The following TUSC3 variants were observed in gnomAD, a reference collection of about 807,000 sequenced individuals.
The protein encoded by TUSC3 is tumor suppressor candidate 3.
In TUSC3, 45 loss-of-function variants were observed where a neutral mutation model predicts 44.8. The ratio of observed to expected loss-of-function variants is 1.00; its 90% CI spans 0.79 to 1.29. The LOEUF is 1.29. Among genes scored for constraint, TUSC3 ranks in the 50% most tolerant of loss-of-function variants. The probability of loss-of-function intolerance (pLI) is 0.00; values close to 1 mark genes in which losing one functional copy is unlikely to be tolerated. For synonymous variants in TUSC3, 212 were observed against 152.9 expected (o/e 1.39, Z -2.85); for missense variants, 519 against 437.9 (o/e 1.19, Z -1.65).
intron 1 of TUSC3, among the ~76,000 whole-genome samples, chr8:15,470,084 C>T (rs183912607): frequency 8.6e-4 from 129 of 149,968 alleles, no homozygotes; most frequent in African/African-American, 3.1e-3. Flanking sequence ...AGGAAAACCT[C>T]GTCCCTACAA....
chr8:15,599,392 G>A (rs12114398), intron 1 of TUSC3, among the ~76,000 whole-genome samples: 6 of 151,462 alleles, frequency 4.0e-5, no homozygotes, highest in Admixed American at 6.6e-5. Flanking sequence ...TTCTTATTTC[G>A]TTCACCATTT....
intron 9 of TUSC3, 194 bp downstream of exon 9, chr8:15,748,659 TTCCCTG>T: frequency 1.4e-6 from 1 of 730,480 alleles, no homozygotes; most frequent in African/African-American, 1.7e-5. Flanking sequence ...ATGGTTCTTG[TTCCCTG>T]ACAGCATGTA....
At chr8:15,667,870 C>T (rs1320272184) in intron 5 of TUSC3, among the ~76,000 whole-genome samples, 3 of 151,782 alleles carry the variant, frequency 2.0e-5, no homozygotes, top group Admixed American at 6.6e-5. Context: ...TTACAGTGGG[C>T]GTGAACATCT....
chr8:15,830,173 T>C, the TUSC3 span, among the ~76,000 whole-genome samples: 1 of 152,124 alleles, frequency 6.6e-6, no homozygotes. Flanking sequence ...GTTAGAGTTC[T>C]TCGCAGATTC....
intron 2 of TUSC3, among the ~76,000 whole-genome samples, chr8:15,648,214 T>G (rs1806715140): frequency 6.6e-6 from 1 of 152,176 alleles, no homozygotes; most frequent in South Asian, 2.1e-4. Flanking sequence ...CTTCTAACAT[T>G]GGTGTTTTAT....
At chr8:15,544,309 A>T (rs1457681059) in intron 1 of TUSC3, among the ~76,000 whole-genome samples, 1 of 146,584 alleles carries the variant, frequency 6.8e-6, no homozygotes, top group Non-Finnish European at 1.5e-5. Flanking sequence ...TTAATTTATA[A>T]TGACCTCTTC....
intron 2 of TUSC3, among the ~76,000 whole-genome samples, chr8:15,646,531 T>C (rs143976700): frequency 2.0e-5 from 3 of 152,258 alleles, no homozygotes; most frequent in African/African-American, 7.2e-5. Context: ...ACTTTATCAC[T>C]TTTTATTTTT....
At chr8:15,501,877 A>G (rs1800971454) in intron 2 of TUSC3, among the ~76,000 whole-genome samples, 1 of 152,228 alleles carries the variant, frequency 6.6e-6, no homozygotes, top group Non-Finnish European at 1.5e-5. Flanking sequence ...AAAGTATTTA[A>G]TAACACAGTC....
chr8:15,512,782 A>ATCAG (rs1338761905), intron 2 of TUSC3, among the ~76,000 whole-genome samples: 2 of 149,042 alleles, frequency 1.3e-5, no homozygotes, highest in African/African-American at 5.0e-5. Flanking sequence ...CAGTCAACCA[A>ATCAG]TCAATCAATC....
intron 2 of TUSC3, among the ~76,000 whole-genome samples, chr8:15,505,419 T>G (rs1801039119): frequency 6.6e-6 from 1 of 152,260 alleles, no homozygotes; most frequent in Non-Finnish European, 1.5e-5. Context: ...CTTTTTCAGT[T>G]AATTTGAGTG....
intron 1 of TUSC3, among the ~76,000 whole-genome samples, chr8:15,582,640 C>T (rs932955249): frequency 1.3e-5 from 2 of 152,110 alleles, no homozygotes; most frequent in South Asian, 4.1e-4. Flanking sequence ...AGTCAAGAGG[C>T]TAGGGGGATA....
intron 1 of TUSC3, among the ~76,000 whole-genome samples, chr8:15,553,928 A>G (rs991481539): frequency 2.0e-5 from 3 of 151,782 alleles, no homozygotes; most frequent in African/African-American, 7.2e-5. Flanking sequence ...TCCCCCATGC[A>G]TATGGTAGTG....
At chr8:15,523,486 T>C (rs1801324843) in intron 2 of TUSC3, among the ~76,000 whole-genome samples, 1 of 151,996 alleles carries the variant, frequency 6.6e-6, no homozygotes, top group Non-Finnish European at 1.5e-5. Context: ...CAACACTATT[T>C]ATTCTGCTTA....
At chr8:15,686,231 A>C (rs1808623165) in intron 6 of TUSC3, among the ~76,000 whole-genome samples, 1 of 152,182 alleles carries the variant, frequency 6.6e-6, no homozygotes, top group Non-Finnish European at 1.5e-5. Flanking sequence ...AAAAAGCAAT[A>C]ATCTTTAACA....
chr8:15,685,107 G>A (rs535840388), intron 6 of TUSC3, among the ~76,000 whole-genome samples: 43 of 152,166 alleles, frequency 2.8e-4, no homozygotes, highest in Non-Finnish European at 3.7e-4. Flanking sequence ...GCTGCACTGC[G>A]TAGTGAAACA....
At chr8:15,478,278 T>C (rs1428379871) in intron 1 of TUSC3, among the ~76,000 whole-genome samples, 2 of 152,156 alleles carry the variant, frequency 1.3e-5, no homozygotes, top group Non-Finnish European at 2.9e-5. Flanking sequence ...TTTAAAATTT[T>C]ATTCTTTTTT....
chr8:15,623,095 A>T lies in TUSC3; in HGVS notation c.154A>T (p.Lys52Ter). 1 of 1,613,826 alleles carries T rather than the reference A, an allele frequency of 6.2e-7. No homozygotes were observed. Among genetic ancestry groups the T allele is most frequent in the South Asian group, 1.1e-5 (1 of 91,034 alleles). The stretch of plus-strand genomic sequence containing the variant: ...TTAATTGCAGAATCTTTTAGCTGAA[A>T]AAGTAGAGCAGCTGATGGAATGGAG... ...QKKKENLLAEKVEQLMEWSSR... is the reference protein window; with the variant it reads ...QKKKENLLAE Residue 52 changes from lysine (K) to a stop codon, truncating the protein, a stop_gained, in exon 2 of 11, where the codon AAA (lysine) becomes TAA (stop). Transcript: ENST00000503731. LOFTEE classifies it high-confidence loss of function.
At chr8:15,794,213 T>G in the TUSC3 span, among the ~76,000 whole-genome samples, 1 of 152,212 alleles carries the variant, frequency 6.6e-6, no homozygotes, top group East Asian at 1.9e-4. Flanking sequence ...CACTCTCTTC[T>G]TGGTCGTTTT....
intron 6 of TUSC3, among the ~76,000 whole-genome samples, chr8:15,703,367 T>G (rs1809484635): frequency 6.6e-6 from 1 of 152,138 alleles, no homozygotes; most frequent in Non-Finnish European, 1.5e-5. Context: ...TGGGAATTTT[T>G]TCTTCAAATT....
Sources: gnomAD v4.1 joint callset for allele counts (sites outside exome capture counted in the v4.1 genomes callset) on GRCh38, gnomAD v4.1.1 for gene constraint, MANE v1.5 for transcripts, NCBI Gene and HGNC (gene_info 2026-07-23, HGNC 2026-07-21) for gene names.